Variants in LDB2 observed in about 807,000 individuals in gnomAD.
LDB2 encodes LIM domain binding 2, also known as LIM domain-binding protein 2.
A neutral mutation model predicts 44.3 loss-of-function variants in LDB2; 12 were observed. The ratio of observed to expected loss-of-function variants is 0.27; its 90% CI spans 0.17 to 0.44. LDB2 has a LOEUF of 0.44. Among genes scored for constraint, LDB2 ranks in the 20% least tolerant of loss-of-function variants. The probability of loss-of-function intolerance (pLI) is 1.00; values close to 1 mark genes in which losing one functional copy is unlikely to be tolerated. For synonymous variants in LDB2, 164 were observed against 174.8 expected, an observed-to-expected ratio of 0.94 and a Z score of 0.49; for missense variants, 344 against 473.5, an observed-to-expected ratio of 0.73 and a Z score of 2.54.
At chr4:16,844,248 C>CAA (rs34034796) in intron 1 of LDB2, among the ~76,000 whole-genome samples, 657 of 30,034 alleles carry the variant, frequency 0.022, 146 homozygotes, top group African/African-American at 0.046. Context: ...ACCCTGTCTC[C>CAA]AAAAAAAAAA....
intron 1 of LDB2, among the ~76,000 whole-genome samples, chr4:16,833,266 T>A (rs377318984): frequency 1.3e-5 from 2 of 152,194 alleles, no homozygotes; most frequent in Non-Finnish European, 2.9e-5. Flanking sequence ...GACTTTAAGA[T>A]GAGATATATG....
chr4:16,641,761 G>A (rs1322071768), intron 2 of LDB2, among the ~76,000 whole-genome samples: 1 of 152,030 alleles, frequency 6.6e-6, no homozygotes, highest in African/African-American at 2.4e-5. Flanking sequence ...ATTTGAGGGG[G>A]ACACATATAC....
At chr4:16,584,513 C>T (rs1444194774) in intron 5 of LDB2, among the ~76,000 whole-genome samples, 1 of 152,206 alleles carries the variant, frequency 6.6e-6, no homozygotes, top group East Asian at 1.9e-4. Flanking sequence ...CCTCACTTTG[C>T]TACAGGGATG....
intron 2 of LDB2, among the ~76,000 whole-genome samples, chr4:16,752,036 C>T (rs996493096): frequency 1.3e-5 from 2 of 152,024 alleles, no homozygotes; most frequent in African/African-American, 4.8e-5. Context: ...TAATGGAACC[C>T]CATGCGAATA....
intron 5 of LDB2, among the ~76,000 whole-genome samples, chr4:16,573,181 A>AT (rs1747184412): frequency 6.6e-6 from 1 of 152,230 alleles, no homozygotes; most frequent in Admixed American, 6.5e-5. Context: ...GATACTTATC[A>AT]TTCCATTAGG....
chr4:16,723,020 C>T (rs969097433), intron 2 of LDB2, among the ~76,000 whole-genome samples: 5 of 152,170 alleles, frequency 3.3e-5, no homozygotes, highest in Non-Finnish European at 5.9e-5. Flanking sequence ...TTACAGTGTA[C>T]TCAACTTATG....
intron 5 of LDB2, among the ~76,000 whole-genome samples, chr4:16,567,084 C>G (rs1021725132): frequency 1.3e-5 from 2 of 152,128 alleles, no homozygotes; most frequent in African/African-American, 4.8e-5. Flanking sequence ...AAATATCTAT[C>G]AAAATTACAA....
intron 2 of LDB2, among the ~76,000 whole-genome samples, chr4:16,726,128 T>C (rs183581216): frequency 3.6e-4 from 55 of 152,184 alleles, no homozygotes; most frequent in Admixed American, 1.4e-3. Context: ...AGTAATTTCC[T>C]AATAAGTACT....
intron 2 of LDB2, among the ~76,000 whole-genome samples, chr4:16,755,223 G>T (rs993679662): frequency 3.3e-5 from 5 of 152,076 alleles, no homozygotes; most frequent in African/African-American, 1.2e-4. Context: ...AATTAATATT[G>T]TGCTTGAAAC....
intron 2 of LDB2, among the ~76,000 whole-genome samples, chr4:16,602,651 A>G (rs1019315315): frequency 1.3e-5 from 2 of 152,180 alleles, no homozygotes; most frequent in Non-Finnish European, 1.5e-5. Flanking sequence ...GTCTCAAAAC[A>G]CCATGAAAAT....
chr4:16,828,688 G>T (rs1242237950), intron 1 of LDB2, among the ~76,000 whole-genome samples: 1 of 150,702 alleles, frequency 6.6e-6, no homozygotes, highest in South Asian at 2.2e-4. Flanking sequence ...TTCCATTTTA[G>T]AATTACAGCA....
intron 2 of LDB2, among the ~76,000 whole-genome samples, chr4:16,710,333 G>GA (rs1755597585): frequency 6.6e-6 from 1 of 152,152 alleles, no homozygotes; most frequent in African/African-American, 2.4e-5. Flanking sequence ...AAAAATACTA[G>GA]AAAAATGCCT....
At chr4:16,800,167 A>C (rs1339247265) in intron 1 of LDB2, among the ~76,000 whole-genome samples, 1 of 152,226 alleles carries the variant, frequency 6.6e-6, no homozygotes, top group East Asian at 1.9e-4. Context: ...AAAAATGTGA[A>C]AAGCTTTCAA....
intron 5 of LDB2, among the ~76,000 whole-genome samples, chr4:16,548,504 T>G (rs1736555492): frequency 6.6e-6 from 1 of 152,242 alleles, no homozygotes; most frequent in Non-Finnish European, 1.5e-5. Context: ...ATTATCTGCC[T>G]CTTCTATTAG....
intron 1 of LDB2, among the ~76,000 whole-genome samples, chr4:16,760,864 C>T (rs771720071): frequency 7.2e-5 from 11 of 152,126 alleles, no homozygotes; most frequent in Non-Finnish European, 1.0e-4. Flanking sequence ...TTGGTTTATT[C>T]GACTTTAAAT....
At chr4:16,684,405 A>G (rs1489292214) in intron 2 of LDB2, among the ~76,000 whole-genome samples, 2 of 152,222 alleles carry the variant, frequency 1.3e-5, no homozygotes, top group Non-Finnish European at 2.9e-5. Flanking sequence ...ATTTCTGTCC[A>G]ATCATAATAA....
At chr4:16,729,084 A>G (rs1027370582) in intron 2 of LDB2, among the ~76,000 whole-genome samples, 1 of 152,208 alleles carries the variant, frequency 6.6e-6, no homozygotes, top group African/African-American at 2.4e-5. Flanking sequence ...TATGGATGAC[A>G]AGCTCCTGAA....
chr4:16,854,088 A>C (rs1391468955), intron 1 of LDB2, among the ~76,000 whole-genome samples: 1 of 152,098 alleles, frequency 6.6e-6, no homozygotes, highest in Non-Finnish European at 1.5e-5. Flanking sequence ...ACTATAGGTA[A>C]TATAACTGTA....
At chr4:16,667,273 C>T (rs1054416478) in intron 2 of LDB2, among the ~76,000 whole-genome samples, 1 of 152,198 alleles carries the variant, frequency 6.6e-6, no homozygotes, top group Non-Finnish European at 1.5e-5. Context: ...GTTTCCCAAG[C>T]TTCAGACAGT....
Sources: allele counts gnomAD v4.1 joint callset (sites outside exome capture counted in the v4.1 genomes callset), GRCh38; gene constraint gnomAD v4.1.1; transcripts MANE v1.5; gene names NCBI Gene and HGNC (gene_info 2026-07-23, HGNC 2026-07-21).